Variants in PATJ observed in about 807,000 individuals in gnomAD.
The protein encoded by PATJ is PATJ crumbs cell polarity complex component.
In PATJ, 190 loss-of-function variants were observed where a neutral mutation model predicts 224.9. That is an observed-to-expected ratio of 0.84 (90% CI 0.75 to 0.95). The LOEUF is 0.95. PATJ is among the 40% of genes least tolerant of loss of function. PATJ has a pLI of 0.00. For missense variants in PATJ, 2,121 were observed against 2,270.3 expected, an observed-to-expected ratio of 0.93 and a Z score of 1.34; for synonymous variants, 769 against 820.3, an observed-to-expected ratio of 0.94 and a Z score of 1.07.
At chr1:62,007,739 G>C (rs1261831351) in intron 28 of PATJ, among the ~76,000 whole-genome samples, 1 of 152,162 alleles carries the variant, frequency 6.6e-6, no homozygotes, top group Non-Finnish European at 1.5e-5. Context: ...CTGTCTTCCT[G>C]GTTTGCAGAC....
chr1:62,110,764 A>C (rs749410851), intron 34 of PATJ, among the ~76,000 whole-genome samples: 8 of 152,156 alleles, frequency 5.3e-5, no homozygotes, highest in Non-Finnish European at 7.4e-5. Flanking sequence ...CTTCTCAAGA[A>C]CTGTGTTCAC....
chr1:61,847,228 G>A (rs796627557), intron 17 of PATJ, among the ~76,000 whole-genome samples: 14 of 152,134 alleles, frequency 9.2e-5, no homozygotes, highest in African/African-American at 2.9e-4. Context: ...TAAAATATTG[G>A]GGTGCTTAAA....
chr1:62,077,700 A>AAAG (rs947872490), intron 31 of PATJ, among the ~76,000 whole-genome samples: 2 of 151,802 alleles, frequency 1.3e-5, no homozygotes, highest in African/African-American at 4.8e-5. Flanking sequence ...AAAAAAAAAA[A>AAAG]AAGAAGATGG....
At chr1:61,976,701 C>T (rs1375757051) in intron 27 of PATJ, among the ~76,000 whole-genome samples, 2 of 151,954 alleles carry the variant, frequency 1.3e-5, no homozygotes, top group African/African-American at 4.8e-5. Flanking sequence ...CGCCAGTGTG[C>T]CCGGACTTGT....
intron 6 of PATJ, among the ~76,000 whole-genome samples, chr1:61,774,003 C>T (rs1646774427): frequency 6.6e-6 from 1 of 151,216 alleles, no homozygotes; most frequent in African/African-American, 2.4e-5. Context: ...ACCTGTAGTC[C>T]CAGCTACTCG....
chr1:62,065,469 T>C (rs1201807488), intron 31 of PATJ, among the ~76,000 whole-genome samples: 1 of 152,072 alleles, frequency 6.6e-6, no homozygotes, highest in African/African-American at 2.4e-5. Flanking sequence ...AAATTAGCCC[T>C]GCATAGTTGG....
At chr1:61,796,850 G>A (rs141663352) in intron 10 of PATJ, among the ~76,000 whole-genome samples, 32 of 116,830 alleles carry the variant, frequency 2.7e-4, no homozygotes, top group African/African-American at 1.0e-3. Context: ...CCTTCCTTCC[G>A]TCTTTCCTTC....
At chr1:62,013,266 C>CCAT in intron 28 of PATJ, 1 of 743,888 alleles carries the variant, frequency 1.3e-6, no homozygotes, top group Non-Finnish European at 1.6e-6. Context: ...GCAGACATAT[C>CCAT]CATAAACATG....
intron 25 of PATJ, among the ~76,000 whole-genome samples, chr1:61,911,957 T>C (rs1165181618): frequency 4.7e-5 from 7 of 149,514 alleles, no homozygotes; most frequent in Non-Finnish European, 7.4e-5. Context: ...AAATGACACA[T>C]TTCTGAGACT....
Position 61,766,417 on chromosome 1 carries a change from TG to T in PATJ, c.330del (p.Trp110Ter). 1 of 1,612,172 alleles carries T rather than the reference TG, an allele frequency of 6.2e-7. No homozygotes were observed. Among genetic ancestry groups the T allele is most frequent in the Non-Finnish European group, 8.5e-7 (1 of 1,179,512 alleles). ...NNSTVSGLFP[W>X]TPKLGNEDFN... ...CTCGACTGTATCTGGGTTATTTCCGTGGACCCCGAAGTTGGGAAATGAAGAC... is the reference window on the plus strand; with the variant it reads ...CTCGACTGTATCTGGGTTATTTCCGTGACCCCGAAGTTGGGAAATGAAGAC... On this transcript the variant is annotated frameshift_variant, in exon 4 of 44. Transcript: ENST00000642238. LOFTEE classifies it high-confidence loss of function.
At chr1:62,076,359 G>A (rs774923132) in intron 31 of PATJ, among the ~76,000 whole-genome samples, 9 of 67,690 alleles carry the variant, frequency 1.3e-4, no homozygotes, top group Non-Finnish European at 4.0e-4. Context: ...TTATGAAACA[G>A]GGTTGAAAAC....
intron 1 of PATJ, among the ~76,000 whole-genome samples, chr1:61,755,515 A>G (rs906241291): frequency 1.3e-5 from 2 of 152,274 alleles, no homozygotes; most frequent in African/African-American, 4.8e-5. Flanking sequence ...GAAGACCACT[A>G]ATCTATACTA....
intron 10 of PATJ, among the ~76,000 whole-genome samples, chr1:61,795,962 C>T (rs2148541494): frequency 6.6e-6 from 1 of 152,196 alleles, no homozygotes; most frequent in Admixed American, 6.5e-5. Context: ...ATTATAAGTA[C>T]AACTAAAATT....
chr1:61,882,765 A>G (rs1340945365), intron 21 of PATJ, among the ~76,000 whole-genome samples: 4 of 152,098 alleles, frequency 2.6e-5, no homozygotes, highest in African/African-American at 9.7e-5. Context: ...GAGTTTCACC[A>G]TGTTGCCCAA....
chr1:61,822,816 T>C (rs565506772), intron 14 of PATJ, 129 bp from the exon 15 acceptor site: 3 of 1,043,728 alleles, frequency 2.9e-6, no homozygotes, highest in Non-Finnish European at 1.4e-6. Flanking sequence ...CCTATTATTG[T>C]CCTCTTTTAG....
intron 27 of PATJ, among the ~76,000 whole-genome samples, chr1:61,989,410 T>C (rs973367532): frequency 5.3e-5 from 8 of 152,322 alleles, no homozygotes; most frequent in African/African-American, 1.7e-4. Context: ...AATTCAAATA[T>C]GAGAGCTAAA....
intron 33 of PATJ, among the ~76,000 whole-genome samples, chr1:62,093,043 G>A (rs977622982): frequency 3.9e-5 from 6 of 151,940 alleles, no homozygotes; most frequent in African/African-American, 7.3e-5. Flanking sequence ...GTGCCCAGCC[G>A]AGAGTTAGAA....
chr1:62,158,828 A>AAT (rs1233782244), intron 43 of PATJ, among the ~76,000 whole-genome samples: 1 of 151,916 alleles, frequency 6.6e-6, no homozygotes, highest in Non-Finnish European at 1.5e-5. Flanking sequence ...AGACGCCTGT[A>AAT]ATACCAACTA....
chr1:61,877,005 A>G lies in PATJ; in HGVS notation c.2959+1639A>G, dbSNP rs1052116781. 2.6e-5 allele frequency among the ~76,000 whole-genome samples: 4 copies of G among 152,322 alleles called. No individual in the cohort carries two copies. In the South Asian group the frequency reaches 8.3e-4, roughly 32 times the overall value. On this transcript the variant is annotated intron_variant, in intron 21 of 43. Transcript: ENST00000642238. Reference sequence around the variant, plus strand: ...CAAGATTTTGGAAGATTTCAGACAGAAGGCAGTTCTGTTTCCCAGGCTTTG... The same window carrying G: ...CAAGATTTTGGAAGATTTCAGACAGGAGGCAGTTCTGTTTCCCAGGCTTTG...
Sources: gnomAD v4.1 joint callset for allele counts (sites outside exome capture counted in the v4.1 genomes callset) on GRCh38, gnomAD v4.1.1 for gene constraint, MANE v1.5 for transcripts, NCBI Gene and HGNC (gene_info 2026-07-23, HGNC 2026-07-21) for gene names.